The following GLIS3 variants were observed in gnomAD, a reference collection of about 807,000 sequenced individuals.
GLIS3 encodes the protein zinc finger protein GLIS3.
Under a neutral mutation model 78.6 loss-of-function variants are expected in GLIS3, and 53 were observed. That is an observed-to-expected ratio of 0.67 (90% CI 0.54 to 0.85). GLIS3 has a LOEUF of 0.85. GLIS3 is among the 40% of genes least tolerant of loss of function. The pLI is 0.00. For synonymous variants in GLIS3, 684 were observed against 509.9 expected, an observed-to-expected ratio of 1.34 and a Z score of -4.60; for missense variants, 1,703 against 1,231.1, an observed-to-expected ratio of 1.38 and a Z score of -5.74.
intron 2 of GLIS3, among the ~76,000 whole-genome samples, chr9:4,131,533 G>T (rs1436042893): frequency 1.3e-5 from 2 of 151,788 alleles, no homozygotes; most frequent in Non-Finnish European, 2.9e-5. Flanking sequence ...CATGAGATCT[G>T]GTTGTATAAA....
intron 2 of GLIS3, among the ~76,000 whole-genome samples, chr9:4,225,376 G>C (rs1821684487): frequency 6.6e-6 from 1 of 152,134 alleles, no homozygotes. Flanking sequence ...TGCATGATGA[G>C]AACTAGACAG....
chr9:4,313,826 G>A (rs1459694291), intron 2 of GLIS3, among the ~76,000 whole-genome samples: 2 of 152,208 alleles, frequency 1.3e-5, no homozygotes, highest in Non-Finnish European at 2.9e-5. Flanking sequence ...CACTGGGTGT[G>A]TGTTGCAGGA....
intron 4 of GLIS3, among the ~76,000 whole-genome samples, chr9:4,031,331 A>G (rs1479422625): frequency 1.3e-5 from 2 of 152,262 alleles, no homozygotes; most frequent in African/African-American, 2.4e-5. Flanking sequence ...GCACTGATAC[A>G]TACTGCAATG....
chr9:4,139,748 G>C (rs1330415079), intron 2 of GLIS3, among the ~76,000 whole-genome samples: 1 of 152,142 alleles, frequency 6.6e-6, no homozygotes, highest in Admixed American at 6.5e-5. Flanking sequence ...TTCTCGTAAG[G>C]AGCACGCAAC....
In GLIS3 at chr9:3,981,494, C is replaced by T. The variant is rs1588377814; in HGVS notation, c.1711-44305G>A. ...CAGCCATCACCTCCTTCTGGAAGCC[C>T]TCCCTGACCCCATGAGTCCGGGTTA... On this transcript the variant is annotated intron_variant, in intron 4 of 10. Coordinates refer to ENST00000381971, the MANE Select transcript of GLIS3 (RefSeq NM_001042413.2). 2.0e-5 allele frequency among the ~76,000 whole-genome samples: 3 copies of T among 152,252 alleles called. No individual in the cohort carries two copies. The South Asian group carries it at 6.2e-4, about 32-fold the overall frequency.
At chr9:4,185,766 C>G (rs1335084585) in intron 2 of GLIS3, among the ~76,000 whole-genome samples, 4 of 152,176 alleles carry the variant, frequency 2.6e-5, no homozygotes, top group Non-Finnish European at 2.9e-5. Flanking sequence ...AGGGACAAAG[C>G]TATAGGAATG....
intron 4 of GLIS3, among the ~76,000 whole-genome samples, chr9:3,986,458 C>T (rs899336022): frequency 2.6e-5 from 4 of 152,234 alleles, no homozygotes; most frequent in Non-Finnish European, 5.9e-5. Flanking sequence ...AAACTGTGTA[C>T]AATTAGGAAT....
chr9:3,943,974 A>G (rs568803086), intron 4 of GLIS3, among the ~76,000 whole-genome samples: 3 of 152,352 alleles, frequency 2.0e-5, no homozygotes, highest in Admixed American at 2.0e-4. Context: ...ACTAGCTCAT[A>G]AATACAACTT....
At chr9:4,052,083 T>TA (rs1424946395) in intron 4 of GLIS3, among the ~76,000 whole-genome samples, 1 of 152,190 alleles carries the variant, frequency 6.6e-6, no homozygotes, top group Non-Finnish European at 1.5e-5. Context: ...AATGGAGAGA[T>TA]GTGCACACCT....
At position 4,135,548 on chromosome 9, in the gene GLIS3, C is replaced by T. The variant is rs556975710; in HGVS notation, c.389-9607G>A. On this transcript the variant is annotated intron_variant, in intron 2 of 10. Transcript: ENST00000381971. ...TATTACTTATTACTCTAAACTCTTA[C>T]TGCTACTCTAAACATTATTATATTA... Among the ~76,000 whole-genome samples, 17 of 152,112 alleles carry T rather than the reference C, an allele frequency of 1.1e-4. 1 individual carries two copies. Among genetic ancestry groups the T allele is most frequent in the Non-Finnish European group, 1.9e-4 (13 of 68,014 alleles).
intron 2 of GLIS3, among the ~76,000 whole-genome samples, chr9:4,212,517 G>A (rs975372008): frequency 6.6e-6 from 1 of 152,224 alleles, no homozygotes; most frequent in Admixed American, 6.5e-5. Flanking sequence ...AAACAATACA[G>A]CAGTGTGTGC....
chr9:4,307,010 A>C (rs763666475), intron 4 of GLIS3, among the ~76,000 whole-genome samples: 2 of 152,214 alleles, frequency 1.3e-5, no homozygotes, highest in Admixed American at 6.5e-5. Flanking sequence ...GTGGACATTA[A>C]GGAGAAAGTG....
the GLIS3 span, among the ~76,000 whole-genome samples, chr9:4,439,746 T>C: frequency 6.6e-6 from 1 of 152,156 alleles, no homozygotes; most frequent in Non-Finnish European, 1.5e-5. Flanking sequence ...AATTAGTTTT[T>C]CATTTTTCAT....
At chr9:4,459,125 T>G in the GLIS3 span, among the ~76,000 whole-genome samples, 2 of 152,050 alleles carry the variant, frequency 1.3e-5, no homozygotes, top group African/African-American at 2.4e-5. Context: ...GGGGCAAGAG[T>G]GGAGACAGGG....
the GLIS3 span, among the ~76,000 whole-genome samples, chr9:4,359,668 A>C: frequency 6.6e-6 from 1 of 152,182 alleles, no homozygotes; most frequent in Non-Finnish European, 1.5e-5. Context: ...TTAGAACTAA[A>C]ATGTATTTAA....
chr9:4,124,943 A>G (rs1334864921), intron 3 of GLIS3, among the ~76,000 whole-genome samples: 2 of 152,222 alleles, frequency 1.3e-5, no homozygotes, highest in Admixed American at 1.3e-4. Context: ...TCAAACATAG[A>G]CACAGACCTT....
At chr9:4,088,828 GA>G (rs1403970786) in intron 4 of GLIS3, among the ~76,000 whole-genome samples, 9 of 152,180 alleles carry the variant, frequency 5.9e-5, no homozygotes, top group African/African-American at 2.2e-4. Flanking sequence ...GGCCAAAATG[GA>G]TATTTCTTTT....
chr9:4,460,087 G>T, the GLIS3 span, among the ~76,000 whole-genome samples: 1 of 151,978 alleles, frequency 6.6e-6, no homozygotes, highest in Non-Finnish European at 1.5e-5. Flanking sequence ...ACTTGGTTCA[G>T]GTCAGGTACC....
chr9:3,914,246 A>G (rs1424750043), intron 6 of GLIS3, among the ~76,000 whole-genome samples: 3 of 152,116 alleles, frequency 2.0e-5, no homozygotes, highest in African/African-American at 4.8e-5. Context: ...CCTGGGCTCA[A>G]GCTATCCTCC....
Sources: allele counts gnomAD v4.1 joint callset (sites outside exome capture counted in the v4.1 genomes callset), GRCh38; gene constraint gnomAD v4.1.1; transcripts MANE v1.5; gene names NCBI Gene and HGNC (gene_info 2026-07-23, HGNC 2026-07-21).